The following ATP2B2 variants were observed in gnomAD, a reference collection of about 807,000 sequenced individuals.
The protein encoded by ATP2B2 is plasma membrane calcium-transporting ATPase 2.
Under a neutral mutation model 120.0 loss-of-function variants are expected in ATP2B2, and 15 were observed. The observed-to-expected ratio is 0.12, with a 90% CI of 0.08 to 0.19. The LOEUF (loss-of-function observed/expected upper bound fraction) is 0.19, where lower values mean the gene tolerates loss of function less well. ATP2B2 is among the 10% of genes least tolerant of loss of function. The probability of loss-of-function intolerance (pLI) is 1.00; values close to 1 mark genes in which losing one functional copy is unlikely to be tolerated. For missense variants in ATP2B2, 1,045 were observed against 1,719.8 expected (o/e 0.61, Z 6.94); for synonymous variants, 694 against 700.3 (o/e 0.99, Z 0.14).
intron 3 of ATP2B2, among the ~76,000 whole-genome samples, chr3:10,519,333 G>A (rs528285646): frequency 3.3e-5 from 5 of 152,298 alleles, no homozygotes; most frequent in South Asian, 2.1e-4. Context: ...TGGCCGAGGC[G>A]GGAGTGAATA....
At chr3:10,673,476 GAGAC>G (rs2071165002) in intron 1 of ATP2B2, among the ~76,000 whole-genome samples, 1 of 151,756 alleles carries the variant, frequency 6.6e-6, no homozygotes, top group Admixed American at 6.6e-5. Flanking sequence ...AAAAAACAGA[GAGAC>G]AGGAAGAGAG....
intron 2 of ATP2B2, among the ~76,000 whole-genome samples, chr3:10,554,328 C>T (rs1382399256): frequency 2.0e-5 from 3 of 152,154 alleles, no homozygotes; most frequent in Non-Finnish European, 4.4e-5. Flanking sequence ...AAGACACCCA[C>T]ATCCAAACCC....
At chr3:10,384,629 C>T (rs562230743) in intron 8 of ATP2B2, among the ~76,000 whole-genome samples, 2 of 152,280 alleles carry the variant, frequency 1.3e-5, no homozygotes, top group Non-Finnish European at 2.9e-5. Flanking sequence ...CCCCTGTGAC[C>T]CAGGACAAAC....
intron 1 of ATP2B2, among the ~76,000 whole-genome samples, chr3:10,502,678 C>G (rs555407300): frequency 6.6e-6 from 1 of 152,372 alleles, no homozygotes; most frequent in Non-Finnish European, 1.5e-5. Flanking sequence ...AGGGACGACA[C>G]AGCGGTCCGG....
chr3:10,385,500 A>T (rs1022358065), intron 7 of ATP2B2, among the ~76,000 whole-genome samples, 173 bp from the exon 8 acceptor site: 2 of 152,186 alleles, frequency 1.3e-5, no homozygotes, highest in African/African-American at 4.8e-5. Context: ...TGTTCCATAG[A>T]GATGCCGCAG....
At chr3:10,462,351 A>G (rs1290902221) in intron 1 of ATP2B2, among the ~76,000 whole-genome samples, 1 of 152,166 alleles carries the variant, frequency 6.6e-6, no homozygotes, top group Non-Finnish European at 1.5e-5. Context: ...AGACCCAGGA[A>G]GCATCAGCAT....
intron 3 of ATP2B2, among the ~76,000 whole-genome samples, chr3:10,523,378 C>T (rs2067023840): frequency 6.6e-6 from 1 of 152,150 alleles, no homozygotes; most frequent in Non-Finnish European, 1.5e-5. Flanking sequence ...TGAACATGTC[C>T]CCCAACTTTT....
chr3:10,464,891 G>A (rs2064668520), intron 1 of ATP2B2, among the ~76,000 whole-genome samples: 1 of 152,218 alleles, frequency 6.6e-6, no homozygotes, highest in African/African-American at 2.4e-5. Flanking sequence ...AGCAGGTGCT[G>A]GCAGAGCTGG....
At chr3:10,665,247 C>T (rs1013589519) in intron 1 of ATP2B2, among the ~76,000 whole-genome samples, 2 of 152,120 alleles carry the variant, frequency 1.3e-5, no homozygotes, top group Admixed American at 6.5e-5. Flanking sequence ...GCCCTTCTTG[C>T]TTATGGAGCT....
chr3:10,520,103 C>T (rs1303420216), intron 3 of ATP2B2, among the ~76,000 whole-genome samples: 1 of 152,226 alleles, frequency 6.6e-6, no homozygotes, highest in Non-Finnish European at 1.5e-5. Flanking sequence ...AAACTCTATT[C>T]CCAACCTCAA....
chr3:10,681,404 C>G (rs2071380040), intron 1 of ATP2B2, among the ~76,000 whole-genome samples: 1 of 152,148 alleles, frequency 6.6e-6, no homozygotes, highest in African/African-American at 2.4e-5. Flanking sequence ...TGTCATGTCC[C>G]GTGCACCCCC....
chr3:10,520,755 CTCTTTTTTTTTTTT>C (rs1442790391), intron 3 of ATP2B2, among the ~76,000 whole-genome samples: 1 of 96,904 alleles, frequency 1.0e-5, no homozygotes, highest in Non-Finnish European at 1.8e-5. Context: ...CACACCTGGC[CTCTTTTTTTTTTTT>C]TCTTTTTTTT....
At position 10,537,433 on chromosome 3, in the gene ATP2B2, AT is replaced by A. The variant is rs375858326; in HGVS notation, c.-414-3301del. Among the ~76,000 whole-genome samples, 29 of 152,098 alleles carry A rather than the reference AT, an allele frequency of 1.9e-4. No homozygotes were observed. In the East Asian group the frequency reaches 3.7e-3, roughly 19 times the overall value. Reference sequence around the variant, plus strand: ...GATTGGTTAAATTTATACCTATTTCATTTTTTTGAGTGATTGTAAATGGCAT... The same window carrying A: ...GATTGGTTAAATTTATACCTATTTCATTTTTTGAGTGATTGTAAATGGCAT... On this transcript the variant is annotated intron_variant, in intron 2 of 21. Transcript: ENST00000646379.
chr3:10,495,370 C>A (rs2066103374), intron 1 of ATP2B2, among the ~76,000 whole-genome samples: 1 of 152,204 alleles, frequency 6.6e-6, no homozygotes, highest in Non-Finnish European at 1.5e-5. Context: ...GGGGCAGGAG[C>A]AGAGGGGCTA....
chr3:10,462,101 C>T (rs903876286), intron 1 of ATP2B2, among the ~76,000 whole-genome samples: 2 of 152,160 alleles, frequency 1.3e-5, no homozygotes, highest in South Asian at 4.1e-4. Flanking sequence ...ACCCATCTGG[C>T]ATCAACTTTC....
intron 1 of ATP2B2, among the ~76,000 whole-genome samples, chr3:10,453,663 C>T (rs1167499300): frequency 6.6e-6 from 1 of 152,210 alleles, no homozygotes; most frequent in Non-Finnish European, 1.5e-5. Flanking sequence ...CTATCTGTGC[C>T]TGTGCTACCT....
intron 1 of ATP2B2, among the ~76,000 whole-genome samples, chr3:10,668,688 G>A (rs549450140): frequency 6.0e-5 from 9 of 151,042 alleles, no homozygotes; most frequent in South Asian, 4.2e-4. Flanking sequence ...CCAATCCCTC[G>A]GTCCTATTTT....
intron 1 of ATP2B2, among the ~76,000 whole-genome samples, chr3:10,462,281 C>A (rs1167940380): frequency 1.3e-5 from 2 of 152,172 alleles, no homozygotes; most frequent in Admixed American, 1.3e-4. Context: ...TAAGGGCATC[C>A]ACAGCACTAT....
chr3:10,637,506 A>C (rs535701563), intron 1 of ATP2B2, among the ~76,000 whole-genome samples: 48 of 152,388 alleles, frequency 3.1e-4, no homozygotes, highest in African/African-American at 1.1e-3. Flanking sequence ...GAAATGAAAA[A>C]GACACTGGAT....
Sources: allele counts gnomAD v4.1 joint callset (sites outside exome capture counted in the v4.1 genomes callset), GRCh38; gene constraint gnomAD v4.1.1; transcripts MANE v1.5; gene names NCBI Gene and HGNC (gene_info 2026-07-23, HGNC 2026-07-21).